Variants in ACOT7 observed in about 807,000 individuals in gnomAD.
ACOT7 encodes the protein cytosolic acyl coenzyme A thioester hydrolase.
In ACOT7, 12 loss-of-function variants were observed where a neutral mutation model predicts 40.2. The ratio of observed to expected loss-of-function variants is 0.30; its 90% CI spans 0.19 to 0.48. ACOT7 has a LOEUF of 0.48. Ranked by LOEUF, ACOT7 falls within the 20% of genes least tolerant of loss-of-function variation. The pLI, the probability that ACOT7 is intolerant of heterozygous loss-of-function variation, is 0.99. For missense variants in ACOT7, 395 were observed against 530.8 expected (o/e 0.74, Z 2.51); for synonymous variants, 228 against 219.5 (o/e 1.04, Z -0.34).
At chr1:6,360,268 TG>T (rs1641858031) in intron 1 of ACOT7, among the ~76,000 whole-genome samples, 1 of 152,158 alleles carries the variant, frequency 6.6e-6, no homozygotes, top group African/African-American at 2.4e-5. Context: ...CGACCCAAAA[TG>T]TCTGCCCGGA....
At chr1:6,322,462 G>C (rs968490258) in intron 5 of ACOT7, among the ~76,000 whole-genome samples, 25 of 152,248 alleles carry the variant, frequency 1.6e-4, no homozygotes, top group Non-Finnish European at 1.6e-4. Flanking sequence ...CGTGTGCTGG[G>C]GCCGCTGTAA....
intron 8 of ACOT7, among the ~76,000 whole-genome samples, chr1:6,268,815 T>G (rs1180088758): frequency 1.3e-5 from 2 of 152,252 alleles, no homozygotes; most frequent in Non-Finnish European, 2.9e-5. Flanking sequence ...CTGGCCTCCA[T>G]GACCACCTGG....
intron 6 of ACOT7, among the ~76,000 whole-genome samples, chr1:6,314,478 T>G (rs1427759069): frequency 1.3e-5 from 2 of 152,234 alleles, no homozygotes; most frequent in East Asian, 3.9e-4. Context: ...AAGACTCCTC[T>G]AAGGTCTGCC....
chr1:6,331,183 C>T (rs910162399), intron 4 of ACOT7, among the ~76,000 whole-genome samples: 31 of 152,312 alleles, frequency 2.0e-4, no homozygotes, highest in Middle Eastern at 3.4e-3. Context: ...GTTGTTGAAC[C>T]GAGGGCTGGT....
At chr1:6,307,741 C>T (rs1640198460) in intron 6 of ACOT7, among the ~76,000 whole-genome samples, 1 of 151,314 alleles carries the variant, frequency 6.6e-6, no homozygotes, top group Admixed American at 6.6e-5. Context: ...GGCGGGGGAA[C>T]TGCAACAGGC....
At chr1:6,280,981 C>T (rs1639339543) in intron 8 of ACOT7, 121 bp downstream of exon 8, 3 of 1,380,264 alleles carry the variant, frequency 2.2e-6, no homozygotes, top group South Asian at 1.3e-5. Context: ...CCCAGCCCTA[C>T]TCTGACCCCT....
chr1:6,381,533 A>T (rs979471254), intron 1 of ACOT7, among the ~76,000 whole-genome samples: 1 of 151,852 alleles, frequency 6.6e-6, no homozygotes, highest in Non-Finnish European at 1.5e-5. Flanking sequence ...ACAGAAAATA[A>T]CAAGTATTGA....
At chr1:6,382,452 T>C (rs1642357461) in intron 1 of ACOT7, among the ~76,000 whole-genome samples, 1 of 151,836 alleles carries the variant, frequency 6.6e-6, no homozygotes, top group South Asian at 2.1e-4. Context: ...TTAAAAATGA[T>C]TAAAATGAGC....
chr1:6,385,141 G>T, intron 1 of ACOT7, among the ~76,000 whole-genome samples: 1 of 151,906 alleles, frequency 6.6e-6, no homozygotes, highest in Non-Finnish European at 1.5e-5. Flanking sequence ...ATCCAGCCTA[G>T]GGACAAAGCA....
At chr1:6,354,475 G>C (rs1641683059) in intron 1 of ACOT7, among the ~76,000 whole-genome samples, 1 of 152,248 alleles carries the variant, frequency 6.6e-6, no homozygotes, top group South Asian at 2.1e-4. Flanking sequence ...CCTGAGACAG[G>C]GACGCAGCTG....
chr1:6,385,912 A>C (rs1413511180), intron 1 of ACOT7: 2 of 1,147,288 alleles, frequency 1.7e-6, no homozygotes, highest in African/African-American at 1.6e-5. Context: ...GGAATCCATG[A>C]CTCGGCCTGA....
chr1:6,339,131 A>G (rs1436765952), intron 3 of ACOT7, among the ~76,000 whole-genome samples: 1 of 152,118 alleles, frequency 6.6e-6, no homozygotes, highest in African/African-American at 2.4e-5. Context: ...AGCCCCTGCC[A>G]TGGATGAGCT....
chr1:6,310,310 C>A (rs1472390847), intron 6 of ACOT7, among the ~76,000 whole-genome samples: 4 of 152,250 alleles, frequency 2.6e-5, no homozygotes, highest in Non-Finnish European at 5.9e-5. Context: ...GGAGGCAGAG[C>A]CTCCAGAGAG....
At chr1:6,319,473 G>A (rs372777554) in intron 5 of ACOT7, among the ~76,000 whole-genome samples, 38 of 152,230 alleles carry the variant, frequency 2.5e-4, no homozygotes, top group African/African-American at 7.5e-4. Context: ...GATTACAGGC[G>A]TGAACCACCT....
At chr1:6,332,333 T>C (rs1440708022) in intron 4 of ACOT7, among the ~76,000 whole-genome samples, 1 of 152,228 alleles carries the variant, frequency 6.6e-6, no homozygotes, top group Non-Finnish European at 1.5e-5. Flanking sequence ...TGGTCACATC[T>C]GTCCTTGGAC....
At chr1:6,388,989 C>T (rs1247939832) in intron 1 of ACOT7, among the ~76,000 whole-genome samples, 4 of 150,584 alleles carry the variant, frequency 2.7e-5, no homozygotes, top group African/African-American at 9.8e-5. Flanking sequence ...TGCAGTGAGC[C>T]GAGATCGCGC....
At chr1:6,386,151 G>A (rs1007431651) in intron 1 of ACOT7, among the ~76,000 whole-genome samples, 3 of 152,214 alleles carry the variant, frequency 2.0e-5, no homozygotes, top group Non-Finnish European at 4.4e-5. Flanking sequence ...AGGCTGCGGG[G>A]AAGCCGAGGA....
intron 7 of ACOT7, among the ~76,000 whole-genome samples, chr1:6,283,167 C>T (rs75563563): frequency 0.01 from 1,587 of 152,218 alleles, 27 homozygotes; most frequent in African/African-American, 0.036. Context: ...CAACAGAAAA[C>T]GTGTTTTTGT....
intron 1 of ACOT7, among the ~76,000 whole-genome samples, chr1:6,354,602 C>T (rs1204039874): frequency 6.6e-6 from 1 of 151,832 alleles, no homozygotes; most frequent in Non-Finnish European, 1.5e-5. Context: ...GGTCACCTCC[C>T]ATGGCCTCTG....
Sources: gnomAD v4.1 joint callset for allele counts (sites outside exome capture counted in the v4.1 genomes callset) on GRCh38, gnomAD v4.1.1 for gene constraint, MANE v1.5 for transcripts, NCBI Gene and HGNC (gene_info 2026-07-23, HGNC 2026-07-21) for gene names.